NCOA2: variants seen among roughly 807,000 people sequenced by gnomAD.
NCOA2 encodes the protein class E basic helix-loop-helix protein 75.
Under a neutral mutation model 145.1 loss-of-function variants are expected in NCOA2, and 21 were observed. The observed-to-expected ratio is 0.14, with a 90% CI of 0.10 to 0.21. NCOA2 has a LOEUF of 0.21. NCOA2 is among the 10% of genes least tolerant of loss of function. The pLI is 1.00. For synonymous variants in NCOA2, 619 were observed against 637.5 expected, an observed-to-expected ratio of 0.97 and a Z score of 0.44; for missense variants, 1,472 against 1,837.6, an observed-to-expected ratio of 0.80 and a Z score of 3.64.
intron 1 of NCOA2, among the ~76,000 whole-genome samples, chr8:70,311,284 G>C (rs866089422): frequency 5.3e-5 from 8 of 152,146 alleles, no homozygotes; most frequent in African/African-American, 1.9e-4. Context: ...GTGGGGGAAA[G>C]TGGTAACAAG....
At chr8:70,278,491 T>C (rs1825632931) in intron 2 of NCOA2, among the ~76,000 whole-genome samples, 1 of 152,164 alleles carries the variant, frequency 6.6e-6, no homozygotes. Flanking sequence ...TTGTAAGACC[T>C]GGGGTGACTC....
At chr8:70,247,684 TC>T (rs1387886884) in intron 2 of NCOA2, among the ~76,000 whole-genome samples, 5 of 152,322 alleles carry the variant, frequency 3.3e-5, no homozygotes, top group African/African-American at 1.2e-4. Flanking sequence ...ATAGATCACT[TC>T]CATAGAGAGA....
chr8:70,372,814 T>C (rs1438873157), intron 1 of NCOA2, among the ~76,000 whole-genome samples: 2 of 152,194 alleles, frequency 1.3e-5, no homozygotes, highest in African/African-American at 4.8e-5. Flanking sequence ...TTGCCTGATT[T>C]CTACCACTAC....
intron 14 of NCOA2, among the ~76,000 whole-genome samples, chr8:70,140,406 G>A (rs1470883021): frequency 6.6e-6 from 1 of 151,918 alleles, no homozygotes; most frequent in Non-Finnish European, 1.5e-5. Flanking sequence ...TATGTGAACT[G>A]TCTCCAAATA....
At chr8:70,397,823 A>G (rs1813831562) in intron 1 of NCOA2, among the ~76,000 whole-genome samples, 1 of 152,262 alleles carries the variant, frequency 6.6e-6, no homozygotes, top group African/African-American at 2.4e-5. Context: ...TTTTATTATA[A>G]ACATTTCAAC....
chr8:70,141,243 A>T lies in NCOA2; in HGVS notation c.2969T>A (p.Met990Lys), dbSNP rs764806977. The T allele has an allele frequency of 1.9e-6, 3 of 1,613,902 alleles. No individual in the cohort carries two copies. Among genetic ancestry groups the T allele is most frequent in the Non-Finnish European group, 2.5e-6 (3 of 1,179,862 alleles). ...MIRNPAASIP[M>K]RPSSQPGQRQ... ...TTGGCCAGGCTGGCTGCTGGGCCTC[A>T]TGGGGATGCTGGCTGCTGGGTTCCG... is the stretch of plus-strand genomic sequence containing the variant. The change falls in exon 14 of 23, where the codon ATG becomes AAG. Residue 990 changes from methionine (M) to lysine (K), a missense_variant. Physicochemically the swap from Met to Lys is moderately conservative, Grantham distance 95. This residue lies in a region of NCOA2 where 953 missense variants were observed against 1,062.1 expected (regional missense o/e 0.90). Coordinates refer to ENST00000452400, the MANE Select transcript of NCOA2 (RefSeq NM_006540.4).
At chr8:70,442,733 C>T in the NCOA2 span, among the ~76,000 whole-genome samples, 4 of 152,118 alleles carry the variant, frequency 2.6e-5, no homozygotes, top group African/African-American at 9.7e-5. Flanking sequence ...CCCAACATAC[C>T]AAGGCTTTTC....
At chr8:70,423,330 T>A in the NCOA2 span, among the ~76,000 whole-genome samples, 35 of 152,200 alleles carry the variant, frequency 2.3e-4, no homozygotes, top group African/African-American at 8.2e-4. Flanking sequence ...GTTACAGGCA[T>A]GTACCACCAT....
At chr8:70,418,582 C>T in the NCOA2 span, among the ~76,000 whole-genome samples, 7 of 152,252 alleles carry the variant, frequency 4.6e-5, no homozygotes, top group South Asian at 4.1e-4. Context: ...GAGACCACAC[C>T]GAGTCCCCCA....
intron 4 of NCOA2, among the ~76,000 whole-genome samples, chr8:70,182,501 G>A (rs2133020247): frequency 6.6e-6 from 1 of 152,326 alleles, no homozygotes; most frequent in African/African-American, 2.4e-5. Flanking sequence ...GTTACCAAGA[G>A]AAAGGACAGC....
At chr8:70,331,522 T>C (rs1330014941) in intron 1 of NCOA2, among the ~76,000 whole-genome samples, 1 of 152,136 alleles carries the variant, frequency 6.6e-6, no homozygotes, top group African/African-American at 2.4e-5. Context: ...TAACAGATAT[T>C]CCTTACGTTA....
intron 4 of NCOA2, among the ~76,000 whole-genome samples, chr8:70,183,990 T>G (rs1482088758): frequency 6.6e-6 from 1 of 152,186 alleles, no homozygotes; most frequent in African/African-American, 2.4e-5. Flanking sequence ...ATATCACAAA[T>G]GTCTCTTCAG....
rs1353519689 is a variant in NCOA2 at position 70,116,043 on chromosome 8, C to T, written c.4384-2400G>A. Among the ~76,000 whole-genome samples the T allele has an allele frequency of 5.9e-5, 9 of 151,584 alleles. No individual in the cohort carries two copies. In the South Asian group the frequency reaches 6.3e-4, roughly 11 times the overall value. ...CTACTAAAAATACAAAAAAATTAGC[C>T]GGGCGTGGTGGAGGGTGCCTGTAGT... On this transcript the variant is annotated intron_variant, in intron 22 of 22. Coordinates refer to ENST00000452400, the MANE Select transcript of NCOA2 (RefSeq NM_006540.4).
intron 1 of NCOA2, among the ~76,000 whole-genome samples, chr8:70,305,329 A>C (rs1290343194): frequency 6.6e-6 from 1 of 152,168 alleles, no homozygotes; most frequent in Non-Finnish European, 1.5e-5. Context: ...GTCACTGTCA[A>C]TTCTCATCTC....
intron 1 of NCOA2, among the ~76,000 whole-genome samples, chr8:70,320,870 TAGTA>T (rs1236077014): frequency 1.3e-5 from 2 of 152,338 alleles, no homozygotes; most frequent in East Asian, 1.9e-4. Context: ...ATATTGTCTT[TAGTA>T]AGTGTTATGA....
At chr8:70,271,706 G>A (rs2135301476) in intron 2 of NCOA2, among the ~76,000 whole-genome samples, 1 of 152,300 alleles carries the variant, frequency 6.6e-6, no homozygotes. Flanking sequence ...GTACAGGATG[G>A]CCAGGTCCTG....
At chr8:70,423,464 C>T in the NCOA2 span, among the ~76,000 whole-genome samples, 10 of 152,072 alleles carry the variant, frequency 6.6e-5, no homozygotes, top group Admixed American at 2.0e-4. Flanking sequence ...ATTGAGCCAC[C>T]GCGCCTGGGC....
intron 1 of NCOA2, among the ~76,000 whole-genome samples, chr8:70,402,823 C>T (rs867259652): frequency 6.6e-6 from 1 of 150,756 alleles, no homozygotes; most frequent in African/African-American, 2.4e-5. Context: ...ACGCCCGCAC[C>T]CAGAAAGTTC....
Position 70,110,139 on chromosome 8 carries a change from A to T in NCOA2, c.*3493T>A, listed in dbSNP as rs1278558454. 3.0e-5 allele frequency: 6 copies of T among 200,590 alleles called. No individual in the cohort carries two copies. The highest frequency in any genetic ancestry group is 5.1e-5 in the Non-Finnish European group (5 of 97,440). 12.4% of individuals were successfully genotyped at this position (200,590 alleles called of 1,614,324 possible). On this transcript the variant is annotated 3_prime_UTR_variant, in exon 23 of 23. Coordinates refer to ENST00000452400, the MANE Select transcript of NCOA2 (RefSeq NM_006540.4). Reference sequence around the variant, plus strand: ...ACATCTCAGATGCAACTTCATGAGGAACTGTACAAATAAAACTCACAAATG... The same window carrying T: ...ACATCTCAGATGCAACTTCATGAGGTACTGTACAAATAAAACTCACAAATG...
Sources: allele counts gnomAD v4.1 joint callset (sites outside exome capture counted in the v4.1 genomes callset), GRCh38; gene constraint gnomAD v4.1.1; regional missense constraint gnomAD v4.1.1; transcripts MANE v1.5; gene names NCBI Gene and HGNC (gene_info 2026-07-23, HGNC 2026-07-21).